Variants in RYR2 observed in about 807,000 individuals in gnomAD.
The protein encoded by RYR2 is cardiac muscle ryanodine receptor-calcium release channel.
A neutral mutation model predicts 601.1 loss-of-function variants in RYR2; 227 were observed. The ratio of observed to expected loss-of-function variants is 0.38; its 90% CI spans 0.34 to 0.42. The LOEUF is 0.42. RYR2 is among the 10% of genes least tolerant of loss of function. The probability of loss-of-function intolerance (pLI) is 1.00; values close to 1 mark genes in which losing one functional copy is unlikely to be tolerated. For synonymous variants in RYR2, 2,223 were observed against 2,175.1 expected (o/e 1.02, Z -0.61); for missense variants, 4,646 against 6,156.5 (o/e 0.75, Z 8.21).
At chr1:237,124,335 C>T (rs1272884373) in intron 1 of RYR2, among the ~76,000 whole-genome samples, 2 of 152,182 alleles carry the variant, frequency 1.3e-5, no homozygotes, top group South Asian at 2.1e-4. Flanking sequence ...GTTGACCATT[C>T]GGTATCTGCT....
chr1:237,065,199 G>A (rs1260543617), intron 1 of RYR2, among the ~76,000 whole-genome samples: 1 of 149,516 alleles, frequency 6.7e-6, no homozygotes, highest in Admixed American at 6.7e-5. Flanking sequence ...ATCACCCATA[G>A]ATTCATGTAA....
At chr1:237,414,120 C>T (rs1304757400) in intron 10 of RYR2, among the ~76,000 whole-genome samples, 2 of 151,816 alleles carry the variant, frequency 1.3e-5, no homozygotes, top group Non-Finnish European at 2.9e-5. Context: ...AGTAAAAGAC[C>T]CTTATTAAAG....
At chr1:237,227,604 TCTCTGGGTACTC>T (rs1684520262) in intron 1 of RYR2, among the ~76,000 whole-genome samples, 1 of 152,244 alleles carries the variant, frequency 6.6e-6, no homozygotes, top group Non-Finnish European at 1.5e-5. Context: ...GCATGGGTTT[TCTCTGGGTACTC>T]CAGTTTCCTC....
At chr1:237,666,664 A>G (rs1237605645) in intron 57 of RYR2, 75 bp downstream of exon 57, 5 of 1,169,464 alleles carry the variant, frequency 4.3e-6, no homozygotes, top group Admixed American at 4.2e-5. Context: ...TTTCCTGCAT[A>G]TATTTGGCAG....
chr1:237,703,485 A>G (rs989676714), intron 66 of RYR2, among the ~76,000 whole-genome samples: 3 of 150,850 alleles, frequency 2.0e-5, no homozygotes, highest in Non-Finnish European at 4.4e-5. Flanking sequence ...CTGATTTGTA[A>G]TAATGCTTTT....
At chr1:237,607,077 T>C (rs1303645426) in intron 35 of RYR2, among the ~76,000 whole-genome samples, 1 of 152,240 alleles carries the variant, frequency 6.6e-6, no homozygotes, top group Non-Finnish European at 1.5e-5. Flanking sequence ...TTACTGGGTA[T>C]ATACCCAAAG....
chr1:237,685,082 G>A (rs1478015426), intron 62 of RYR2, among the ~76,000 whole-genome samples: 1 of 152,150 alleles, frequency 6.6e-6, no homozygotes, highest in African/African-American at 2.4e-5. Flanking sequence ...CTGCAAAGGA[G>A]TGTTTTAGTA....
chr1:237,046,083 T>C (rs1660567599), intron 1 of RYR2, among the ~76,000 whole-genome samples: 1 of 152,154 alleles, frequency 6.6e-6, no homozygotes, highest in Non-Finnish European at 1.5e-5. Context: ...TATTTCATTA[T>C]AGATTTCTTC....
chr1:237,512,503 C>G (rs1393512466), intron 24 of RYR2, among the ~76,000 whole-genome samples: 2 of 152,164 alleles, frequency 1.3e-5, no homozygotes, highest in East Asian at 3.9e-4. Flanking sequence ...TTCACCATAG[C>G]AGCCTGTTTT....
In RYR2 at chr1:237,393,420, A is replaced by T. The variant is rs562892215; in HGVS notation, c.773+5237A>T. On this transcript the variant is annotated intron_variant, in intron 10 of 104. Transcript: ENST00000366574. ...ATTGATAAGGCATGAGATGGATTGGATGTAATGAATTAAATGCCTCTCCAT... is the reference window on the plus strand; with the variant it reads ...ATTGATAAGGCATGAGATGGATTGGTTGTAATGAATTAAATGCCTCTCCAT... 3.9e-5 allele frequency among the ~76,000 whole-genome samples: 6 copies of T among 152,296 alleles called. No individual in the cohort carries two copies. In the South Asian group the frequency reaches 1.2e-3, roughly 32 times the overall value.
intron 35 of RYR2, among the ~76,000 whole-genome samples, chr1:237,609,548 A>T (rs1056159981): frequency 3.3e-5 from 5 of 151,476 alleles, no homozygotes; most frequent in Non-Finnish European, 5.9e-5. Context: ...TTTACAGGCG[A>T]ATTTTTGTAT....
At position 237,278,933 on chromosome 1, in the gene RYR2, C is replaced by T. The variant is rs184775104; in HGVS notation, c.168+8317C>T. ...AATAACTGCCAGTTAAACTAATGTT[C>T]CTTTGATAATATTTGGGTTATTCTA... is the stretch of plus-strand genomic sequence containing the variant. On this transcript the variant is annotated intron_variant, in intron 2 of 104. Coordinates refer to ENST00000366574, the MANE Select transcript of RYR2 (RefSeq NM_001035.3). Among the ~76,000 whole-genome samples, 311 of 152,158 alleles carry T rather than the reference C, an allele frequency of 2.0e-3. 2 individuals carry two copies. Among genetic ancestry groups the T allele is most frequent in the South Asian group, 6.7e-3 (32 of 4,812 alleles).
At chr1:237,146,222 T>A (rs1456240607) in intron 1 of RYR2, among the ~76,000 whole-genome samples, 1 of 152,216 alleles carries the variant, frequency 6.6e-6, no homozygotes, top group Non-Finnish European at 1.5e-5. Context: ...TTTAGGGAGA[T>A]GTTTAAGTGT....
intron 2 of RYR2, among the ~76,000 whole-genome samples, chr1:237,291,990 T>G (rs1314267414): frequency 1.3e-5 from 2 of 152,168 alleles, no homozygotes; most frequent in East Asian, 1.9e-4. Context: ...AAGATACTGA[T>G]AGTGGGGGAA....
At chr1:237,329,710 G>A (rs1296891440) in intron 2 of RYR2, among the ~76,000 whole-genome samples, 1 of 152,026 alleles carries the variant, frequency 6.6e-6, no homozygotes, top group East Asian at 1.9e-4. Context: ...GCTCTCCTAC[G>A]TGCATATATT....
At chr1:237,207,610 A>G (rs1681964437) in intron 1 of RYR2, among the ~76,000 whole-genome samples, 1 of 152,162 alleles carries the variant, frequency 6.6e-6, no homozygotes, top group Non-Finnish European at 1.5e-5. Flanking sequence ...ACCATGCAGT[A>G]AGAAGCCCTC....
At position 237,628,309 on chromosome 1, in the gene RYR2, C is replaced by T. The variant is rs189715688; in HGVS notation, c.6440+229C>T. Among the ~76,000 whole-genome samples, 1,340 of 151,634 alleles carry T rather than the reference C, an allele frequency of 8.8e-3. 14 individuals are homozygous for T. The highest frequency in any genetic ancestry group is 0.022 in the South Asian group (104 of 4,814). On this transcript the variant is annotated intron_variant, in intron 41 of 104. Coordinates refer to ENST00000366574, the MANE Select transcript of RYR2 (RefSeq NM_001035.3). The stretch of plus-strand genomic sequence containing the variant: ...TATGTATACATGTGCCATGCTGGTG[C>T]GCTGCACCCACTAACTCGTCATTTA...
intron 1 of RYR2, among the ~76,000 whole-genome samples, chr1:237,051,817 G>T (rs1661319236): frequency 6.6e-6 from 1 of 152,174 alleles, no homozygotes; most frequent in African/African-American, 2.4e-5. Flanking sequence ...GACCTGGGCA[G>T]GCTGGCTCTA....
At position 237,098,788 on chromosome 1, in the gene RYR2, G is replaced by C. The variant is rs562852565; in HGVS notation, c.48+56219G>C. On this transcript the variant is annotated intron_variant, in intron 1 of 104. Transcript: ENST00000366574. ...ACGTGGTGGAAAGGGAAATGAAGAG[G>C]TGTGGTCACAAGGATACAAAGTTTC... Among the ~76,000 whole-genome samples the C allele has an allele frequency of 6.0e-4, 91 of 152,298 alleles. 1 individual carries two copies. The highest frequency in any genetic ancestry group is 1.9e-3 in the South Asian group (9 of 4,820).
Sources: gnomAD v4.1 joint callset for allele counts (sites outside exome capture counted in the v4.1 genomes callset) on GRCh38, gnomAD v4.1.1 for gene constraint, MANE v1.5 for transcripts, NCBI Gene and HGNC (gene_info 2026-07-23, HGNC 2026-07-21) for gene names.